ZNF516: variants seen among roughly 807,000 people sequenced by gnomAD.
ZNF516 encodes the protein zinc finger protein 516.
In ZNF516, 19 loss-of-function variants were observed where a neutral mutation model predicts 79.7. That is an observed-to-expected ratio of 0.24 (90% CI 0.17 to 0.35). The LOEUF (loss-of-function observed/expected upper bound fraction) is 0.35. Ranked by LOEUF, ZNF516 falls within the 10% of genes least tolerant of loss-of-function variation. The pLI is 1.00. For missense variants in ZNF516, 1,678 were observed against 1,679.5 expected (o/e 1.00, Z 0.02); for synonymous variants, 877 against 739.5 (o/e 1.19, Z -3.02).
intron 2 of ZNF516, among the ~76,000 whole-genome samples, chr18:76,455,642 T>C (rs1912676170): frequency 6.6e-6 from 1 of 152,190 alleles, no homozygotes; most frequent in Admixed American, 6.5e-5. Context: ...GAAAATTACA[T>C]TCACCTTCAT....
At chr18:76,391,851 C>T (rs1323128689) in intron 3 of ZNF516, among the ~76,000 whole-genome samples, 1 of 152,238 alleles carries the variant, frequency 6.6e-6, no homozygotes, top group Admixed American at 6.5e-5. Context: ...CAGCCTCGCC[C>T]TGAAGGCCGG....
intron 1 of ZNF516, chr18:76,490,928 C>A (rs755978391): frequency 2.0e-6 from 2 of 985,612 alleles, no homozygotes; most frequent in South Asian, 9.4e-5. Context: ...GGCCTCTTTA[C>A]CGCGGAGACA....
At chr18:76,363,890 G>A (rs1218086776) in intron 6 of ZNF516, among the ~76,000 whole-genome samples, 3 of 152,214 alleles carry the variant, frequency 2.0e-5, no homozygotes, top group Non-Finnish European at 4.4e-5. Context: ...TAGACGTCAG[G>A]GACCGTAAGA....
rs992094683 is a variant in ZNF516 at position 76,459,886 on chromosome 18, G to A, written c.-158+3142C>T. 1.1e-4 allele frequency among the ~76,000 whole-genome samples: 17 copies of A among 152,178 alleles called. No homozygotes were observed. The highest frequency in any genetic ancestry group is 3.6e-4 in the African/African-American group (15 of 41,456). ...AACATACTGATGATAAGGAAACGCC[G>A]GGTGGGGTCTTTACGTAGGCAGCCT... is the stretch of plus-strand genomic sequence containing the variant. On this transcript the variant is annotated intron_variant, in intron 2 of 6. Transcript: ENST00000443185. The surrounding 1 kb of genome is among the most constrained non-coding windows in gnomAD (Gnocchi z 5.0).
intron 3 of ZNF516, among the ~76,000 whole-genome samples, chr18:76,398,416 C>T (rs1481803071): frequency 1.3e-5 from 2 of 152,242 alleles, no homozygotes; most frequent in East Asian, 3.8e-4. Flanking sequence ...TAACACGAAT[C>T]TTTCCTTGTA....
chr18:76,443,691 G>A (rs1015883146), intron 2 of ZNF516, among the ~76,000 whole-genome samples: 2 of 152,194 alleles, frequency 1.3e-5, no homozygotes, highest in Non-Finnish European at 2.9e-5. Context: ...ACACAGTCAC[G>A]TGCCACTTAG....
chr18:76,463,520 C>A (rs1913254323), intron 1 of ZNF516, among the ~76,000 whole-genome samples: 1 of 152,268 alleles, frequency 6.6e-6, no homozygotes, highest in African/African-American at 2.4e-5. Context: ...GAGCTCCTGG[C>A]ATGGACTGCG....
intron 2 of ZNF516, among the ~76,000 whole-genome samples, chr18:76,447,802 G>T (rs774278123): frequency 6.6e-6 from 1 of 152,128 alleles, no homozygotes; most frequent in Non-Finnish European, 1.5e-5. Context: ...AGACAAAACC[G>T]TAATTTAATT....
At chr18:76,419,996 G>A (rs1256114697) in intron 3 of ZNF516, among the ~76,000 whole-genome samples, 2 of 152,254 alleles carry the variant, frequency 1.3e-5, no homozygotes, top group African/African-American at 4.8e-5. Context: ...TATTTCTACT[G>A]ACCTCACACA....
chr18:76,447,008 C>A lies in ZNF516; in HGVS notation c.-157-3797G>T, dbSNP rs150693754. 1.3e-3 allele frequency among the ~76,000 whole-genome samples: 204 copies of A among 152,308 alleles called. 1 individual carries two copies. Among genetic ancestry groups the A allele is most frequent in the Non-Finnish European group, 7.9e-4 (54 of 68,022 alleles). On this transcript the variant is annotated intron_variant, in intron 2 of 6. Coordinates refer to ENST00000443185, the MANE Select transcript of ZNF516 (RefSeq NM_014643.4). ...TGATTAAGTGATCCCCTCCTGATGTCCACAGTTGACTAGCAAAGTTTCTCA... is the reference window on the plus strand; with the variant it reads ...TGATTAAGTGATCCCCTCCTGATGTACACAGTTGACTAGCAAAGTTTCTCA...
intron 3 of ZNF516, among the ~76,000 whole-genome samples, chr18:76,436,772 A>G (rs906358534): frequency 1.5e-4 from 23 of 152,022 alleles, no homozygotes; most frequent in African/African-American, 5.6e-4. Context: ...TTCAACGGGT[A>G]AACACATCCT....
intron 3 of ZNF516, among the ~76,000 whole-genome samples, chr18:76,407,380 G>A (rs1229514720): frequency 2.6e-5 from 4 of 152,182 alleles, no homozygotes; most frequent in Non-Finnish European, 4.4e-5. Context: ...AGCCAAGATC[G>A]TGCCACTGCA....
intron 3 of ZNF516, among the ~76,000 whole-genome samples, chr18:76,404,899 CGTGT>C (rs373732671): frequency 5.3e-5 from 8 of 152,098 alleles, no homozygotes; most frequent in Admixed American, 5.2e-4. Flanking sequence ...TGAGTAGGAG[CGTGT>C]GTGTGTGGGG....
intron 2 of ZNF516, among the ~76,000 whole-genome samples, chr18:76,452,102 A>G (rs1232296324): frequency 1.3e-5 from 2 of 152,338 alleles, no homozygotes; most frequent in Non-Finnish European, 2.9e-5. Context: ...CAGCATTCAC[A>G]AGAAACTCCA....
At chr18:76,373,924 G>A (rs1002849247) in intron 4 of ZNF516, among the ~76,000 whole-genome samples, 2 of 152,240 alleles carry the variant, frequency 1.3e-5, no homozygotes, top group African/African-American at 2.4e-5. Context: ...TGGTAAGCAC[G>A]CAGCTCAAAT....
At position 76,463,038 on chromosome 18, in the gene ZNF516, C is replaced by G. The variant is rs1295231542; in HGVS notation, c.-168G>C. ...TCCAACTGCACCTACCTGGGCTTTC[C>G]TGGGAATGTGGAAATGCAATGACAA... On this transcript the variant is annotated 5_prime_UTR_variant, in exon 2 of 7. Transcript: ENST00000443185. 1.3e-5 allele frequency: 2 copies of G among 152,174 alleles called. No individual in the cohort carries two copies. The highest frequency in any genetic ancestry group is 2.9e-5 in the Non-Finnish European group (2 of 68,030). 9.4% of individuals were successfully genotyped at this position (152,174 alleles called of 1,614,324 possible).
At chr18:76,398,641 C>T (rs550129646) in intron 3 of ZNF516, among the ~76,000 whole-genome samples, 2 of 151,826 alleles carry the variant, frequency 1.3e-5, no homozygotes, top group Non-Finnish European at 2.9e-5. Flanking sequence ...GGAATGGGGG[C>T]CTGGAATCTT....
chr18:76,358,451 T>G lies in ZNF516; in HGVS notation c.*4047A>C, dbSNP rs1372153368. 6.6e-6 allele frequency: 1 copy of G among 152,210 alleles called. No homozygotes were observed. The highest frequency in any genetic ancestry group is 1.5e-5 in the Non-Finnish European group (1 of 68,038). 9.4% of individuals were successfully genotyped at this position (152,210 alleles called of 1,614,324 possible). ...TAGCAAAGCTGATGAAGAATGAACA[T>G]TTTCCCTTGGGCGGGTGGCCCTTGG... is the stretch of plus-strand genomic sequence containing the variant. On this transcript the variant is annotated 3_prime_UTR_variant, in exon 7 of 7. Transcript: ENST00000443185.
intron 6 of ZNF516, among the ~76,000 whole-genome samples, chr18:76,363,486 G>A (rs1196460785): frequency 2.6e-5 from 4 of 152,210 alleles, no homozygotes; most frequent in Non-Finnish European, 4.4e-5. Flanking sequence ...CTCTGTGTTT[G>A]TGACATCTAC....
Sources: gnomAD v4.1 joint callset for allele counts (sites outside exome capture counted in the v4.1 genomes callset) on GRCh38, gnomAD v4.1.1 for gene constraint, Gnocchi (gnomAD v3.1) non-coding constraint, MANE v1.5 for transcripts, NCBI Gene and HGNC (gene_info 2026-07-23, HGNC 2026-07-21) for gene names.